DHX36: variants seen among roughly 807,000 people sequenced by gnomAD.
The protein encoded by DHX36 is DEAH-box helicase 36.
A neutral mutation model predicts 139.0 loss-of-function variants in DHX36; 50 were observed. The observed-to-expected ratio is 0.36, with a 90% confidence interval of 0.29 to 0.46. DHX36 has a LOEUF of 0.46. DHX36 is among the 20% of genes least tolerant of loss of function. The pLI is 1.00. For missense variants in DHX36, 1,024 were observed against 1,211.3 expected (o/e 0.85, Z 2.29); for synonymous variants, 425 against 401.9 (o/e 1.06, Z -0.69).
chr3:154,295,713 A>C (rs1712018448), intron 12 of DHX36, among the ~76,000 whole-genome samples: 1 of 152,218 alleles, frequency 6.6e-6, no homozygotes, highest in Admixed American at 6.5e-5. Context: ...TTACACCAAT[A>C]AAAACTGAAT....
intron 22 of DHX36, 175 bp downstream of exon 22, chr3:154,280,404 G>A (rs1719294908): frequency 5.3e-6 from 3 of 566,578 alleles, no homozygotes; most frequent in South Asian, 2.4e-5. Context: ...TGTGTTGTGA[G>A]GGAAAGTGAT....
intron 1 of DHX36, among the ~76,000 whole-genome samples, chr3:154,318,005 T>C (rs1043635404): frequency 9.2e-5 from 14 of 152,036 alleles, no homozygotes; most frequent in Non-Finnish European, 1.5e-5. Flanking sequence ...AAGTTTAACA[T>C]AAAGTTTGAA....
intron 22 of DHX36, chr3:154,277,922 T>A: frequency 2.5e-6 from 1 of 400,356 alleles, no homozygotes; most frequent in Non-Finnish European, 4.4e-6. Context: ...TCCTTAAAAA[T>A]ATATGAAAAA....
At chr3:154,287,381 G>T (rs1189371468) in intron 17 of DHX36, among the ~76,000 whole-genome samples, 1 of 152,170 alleles carries the variant, frequency 6.6e-6, no homozygotes, top group Non-Finnish European at 1.5e-5. Context: ...TAGACTGGGA[G>T]TGGTGGCTCA....
intron 15 of DHX36, among the ~76,000 whole-genome samples, chr3:154,292,249 T>C (rs1051459971): frequency 2.6e-5 from 4 of 152,200 alleles, no homozygotes; most frequent in African/African-American, 9.7e-5. Flanking sequence ...AAAGTATTAG[T>C]TGCTATTATT....
intron 19 of DHX36, 78 bp from the exon 20 acceptor site, chr3:154,283,349 T>A (rs1295165554): frequency 1.0e-6 from 1 of 967,172 alleles, no homozygotes; most frequent in Non-Finnish European, 1.6e-6. Flanking sequence ...TTTACTTTAG[T>A]AAAAGCTTAA....
At chr3:154,283,642 C>CT (rs201472973) in intron 19 of DHX36, among the ~76,000 whole-genome samples, 4,474 of 146,210 alleles carry the variant, frequency 0.031, 82 homozygotes, top group Non-Finnish European at 0.043. Flanking sequence ...TTATAGTTTG[C>CT]TTTTTTTTTT....
At chr3:154,306,019 A>T (rs1712487449) in intron 6 of DHX36, among the ~76,000 whole-genome samples, 197 bp downstream of exon 6, 1 of 152,222 alleles carries the variant, frequency 6.6e-6, no homozygotes. Context: ...AGCATCATTT[A>T]AAAAAGGCAA....
At position 154,316,275 on chromosome 3, in the gene DHX36, T is replaced by C. The variant is rs188811684; in HGVS notation, c.244-112A>G. 175 of 1,377,918 alleles carry C rather than the reference T, an allele frequency of 1.3e-4. No individual in the cohort carries two copies. The African/African-American group carries it at 2.1e-3, about 17-fold the overall frequency. The allele number at this position is 1,377,918 out of a possible 1,614,324, so 85.4% of individuals were successfully genotyped here. A position where few individuals can be genotyped will look rare whatever the true frequency, so the allele number is the denominator to read the frequency against. ...GTAATATATGTTCAACAAATACATATAAAAGAAAGTTATCCACAGGTGTCC... is the reference window on the plus strand; with the variant it reads ...GTAATATATGTTCAACAAATACATACAAAAGAAAGTTATCCACAGGTGTCC... On this transcript the variant is annotated intron_variant, in intron 1 of 24. Coordinates refer to ENST00000496811, the MANE Select transcript of DHX36 (RefSeq NM_020865.3).
At chr3:154,318,180 A>G (rs1329879663) in intron 1 of DHX36, among the ~76,000 whole-genome samples, 2 of 152,158 alleles carry the variant, frequency 1.3e-5, no homozygotes, top group Non-Finnish European at 2.9e-5. Context: ...AATGTAATAA[A>G]TATGAGAAAT....
At chr3:154,299,376 A>T (rs1039639301) in intron 12 of DHX36, among the ~76,000 whole-genome samples, 4 of 80,402 alleles carry the variant, frequency 5.0e-5, no homozygotes, top group Admixed American at 1.1e-4. Flanking sequence ...AATTTTATAG[A>T]AAAAAAGGTT....
At chr3:154,286,267 TATC>T (rs1490439505) in intron 17 of DHX36, among the ~76,000 whole-genome samples, 1 of 148,226 alleles carries the variant, frequency 6.7e-6, no homozygotes, top group African/African-American at 2.5e-5. Context: ...GAAGGCACAC[TATC>T]ATATCACTTC....
At chr3:154,298,794 A>G (rs1351678866) in intron 12 of DHX36, among the ~76,000 whole-genome samples, 1 of 152,190 alleles carries the variant, frequency 6.6e-6, no homozygotes, top group African/African-American at 2.4e-5. Context: ...AGGTGCCTGC[A>G]GTCCCAGCTA....
chr3:154,293,553 G>T (rs1711909454), intron 14 of DHX36, among the ~76,000 whole-genome samples, 195 bp downstream of exon 14: 1 of 152,116 alleles, frequency 6.6e-6, no homozygotes, highest in Non-Finnish European at 1.5e-5. Context: ...CTGCACTGCA[G>T]CATGGGTGAC....
At chr3:154,285,136 A>C in intron 17 of DHX36, 149 bp from the exon 18 acceptor site, 2 of 810,462 alleles carry the variant, frequency 2.5e-6, no homozygotes, top group Non-Finnish European at 3.8e-6. Flanking sequence ...TTTCCCTACC[A>C]AAACATAAGT....
intron 5 of DHX36, among the ~76,000 whole-genome samples, chr3:154,309,290 A>T (rs530037569): frequency 6.6e-6 from 1 of 152,210 alleles, no homozygotes; most frequent in South Asian, 2.1e-4. Context: ...TACTCAAAAA[A>T]TGACAGAAGT....
At position 154,292,666 on chromosome 3, in the gene DHX36, T is replaced by C. The variant is rs1711868431; in HGVS notation, c.1699A>G (p.Ile567Val). 1 of 1,613,602 alleles carries C rather than the reference T, an allele frequency of 6.2e-7. No homozygotes were observed. The highest frequency in any genetic ancestry group is 1.3e-5 in the African/African-American group (1 of 74,768). Residue 567 changes from isoleucine to valine, a missense_variant, in exon 15 of 25, where the codon ATA becomes GTA. Ile to Val is a conservative substitution (Grantham distance 29). Coordinates refer to ENST00000496811, the MANE Select transcript of DHX36 (RefSeq NM_020865.3). ...SITIDDVVYV[I>V]DGGKIKETHF... ...GTCTCTTTTATTTTTCCTCCATCTA[T>C]CACATAAACGACATCATCTATGGTA...
At chr3:154,294,962 G>C (rs1214346958) in intron 13 of DHX36, among the ~76,000 whole-genome samples, 1 of 152,118 alleles carries the variant, frequency 6.6e-6, no homozygotes, top group Non-Finnish European at 1.5e-5. Flanking sequence ...TAATTTCTAG[G>C]TTTGGTTACT....
rs72996622 is a variant in DHX36 at position 154,283,593 on chromosome 3, T to C, written c.2293-322A>G. The stretch of plus-strand genomic sequence containing the variant: ...AAAAAGAACACACTATTAAACTGAC[T>C]TAAATGCTATTATATATTTTCAAAT... On this transcript the variant is annotated intron_variant, in intron 19 of 24. Coordinates refer to ENST00000496811, the MANE Select transcript of DHX36 (RefSeq NM_020865.3). Among the ~76,000 whole-genome samples, 588 of 152,102 alleles carry C rather than the reference T, an allele frequency of 3.9e-3. 5 individuals carry two copies. The highest frequency in any genetic ancestry group is 0.014 in the African/African-American group (562 of 41,520).
Sources: allele counts gnomAD v4.1 joint callset (sites outside exome capture counted in the v4.1 genomes callset), GRCh38; gene constraint gnomAD v4.1.1; transcripts MANE v1.5; gene names NCBI Gene and HGNC (gene_info 2026-07-23, HGNC 2026-07-21).